Variants in KCNIP1 observed in about 807,000 individuals in gnomAD.
KCNIP1 encodes potassium voltage-gated channel interacting protein 1, also known as A-type potassium channel modulatory protein KCNIP1.
Under a neutral mutation model 33.0 loss-of-function variants are expected in KCNIP1, and 18 were observed. That is an observed-to-expected ratio of 0.55 (90% CI 0.38 to 0.81). The LOEUF (loss-of-function observed/expected upper bound fraction) is 0.81, where lower values mean the gene tolerates loss of function less well. Ranked by LOEUF, KCNIP1 falls within the 30% of genes least tolerant of loss-of-function variation. The pLI, the probability that KCNIP1 is intolerant of heterozygous loss-of-function variation, is 0.00. For synonymous variants in KCNIP1, 93 were observed against 98.3 expected, an observed-to-expected ratio of 0.95 and a Z score of 0.32; for missense variants, 238 against 271.6, an observed-to-expected ratio of 0.88 and a Z score of 0.87.
chr5:170,365,075 G>A (rs1419607692), intron 1 of KCNIP1, among the ~76,000 whole-genome samples: 3 of 152,038 alleles, frequency 2.0e-5, no homozygotes, highest in Admixed American at 6.6e-5. Flanking sequence ...ACTAAGAGTC[G>A]AGCTCTGTGA....
chr5:170,431,153 A>G (rs1272728046), intron 1 of KCNIP1, among the ~76,000 whole-genome samples: 1 of 152,214 alleles, frequency 6.6e-6, no homozygotes. Flanking sequence ...TTTTACAAGC[A>G]ATTGGGTTGT....
chr5:170,356,584 A>G (rs577574685), intron 1 of KCNIP1, among the ~76,000 whole-genome samples: 33 of 152,206 alleles, frequency 2.2e-4, no homozygotes, highest in African/African-American at 7.7e-4. Flanking sequence ...TTTCCTTCCT[A>G]TCCCTGATCA....
intron 1 of KCNIP1, among the ~76,000 whole-genome samples, chr5:170,512,740 T>TG (rs1754982484): frequency 6.6e-6 from 1 of 152,012 alleles, no homozygotes; most frequent in Admixed American, 6.6e-5. Context: ...CAGCATCAGT[T>TG]GGGAGCTTGT....
chr5:170,508,818 C>A (rs777600434), intron 1 of KCNIP1, among the ~76,000 whole-genome samples: 1 of 152,172 alleles, frequency 6.6e-6, no homozygotes, highest in Non-Finnish European at 1.5e-5. Context: ...GAAGTGATTT[C>A]TCCCATCTGA....
chr5:170,481,032 T>G (rs1756966563), intron 1 of KCNIP1, among the ~76,000 whole-genome samples: 1 of 152,360 alleles, frequency 6.6e-6, no homozygotes, highest in Admixed American at 6.5e-5. Flanking sequence ...CTATCGCATT[T>G]GCCATTTACA....
chr5:170,464,195 ATTG>A (rs1240747327), intron 1 of KCNIP1, among the ~76,000 whole-genome samples: 2 of 152,236 alleles, frequency 1.3e-5, no homozygotes, highest in African/African-American at 4.8e-5. Context: ...GAAGACTTAT[ATTG>A]TTAAGATGGC....
chr5:170,392,022 G>A (rs1754608747), intron 1 of KCNIP1, among the ~76,000 whole-genome samples: 1 of 152,162 alleles, frequency 6.6e-6, no homozygotes, highest in Non-Finnish European at 1.5e-5. Flanking sequence ...GTAGAATATG[G>A]TAGAAGGACA....
chr5:170,412,076 T>C (rs1157123532), intron 1 of KCNIP1, among the ~76,000 whole-genome samples: 1 of 152,214 alleles, frequency 6.6e-6, no homozygotes, highest in Admixed American at 6.5e-5. Context: ...GAATAAATGT[T>C]GGACCCAATG....
chr5:170,532,697 G>A (rs921131354), intron 1 of KCNIP1, among the ~76,000 whole-genome samples: 1 of 152,088 alleles, frequency 6.6e-6, no homozygotes, highest in Non-Finnish European at 1.5e-5. Context: ...GGCTGCCTCT[G>A]CTCTTAGACC....
intron 1 of KCNIP1, among the ~76,000 whole-genome samples, chr5:170,659,225 T>C (rs1439593825): frequency 1.3e-5 from 2 of 152,152 alleles, no homozygotes; most frequent in Non-Finnish European, 2.9e-5. Flanking sequence ...TGCCTCTCAC[T>C]AGGACTTCAC....
chr5:170,432,471 C>T (rs373411666), intron 1 of KCNIP1, among the ~76,000 whole-genome samples: 1 of 152,198 alleles, frequency 6.6e-6, no homozygotes, highest in African/African-American at 2.4e-5. Flanking sequence ...AGAATGCTAG[C>T]TCAGAGCTGG....
chr5:170,443,240 C>G (rs929320488), intron 1 of KCNIP1, among the ~76,000 whole-genome samples: 5 of 151,644 alleles, frequency 3.3e-5, no homozygotes, highest in African/African-American at 1.2e-4. Flanking sequence ...ATTCCCCACC[C>G]CCCGGCCCTG....
Position 170,469,695 on chromosome 5 carries a change from C to T in KCNIP1, c.88+115731C>T, listed in dbSNP as rs113814045. 1.4e-3 allele frequency among the ~76,000 whole-genome samples: 218 copies of T among 152,322 alleles called. 5 individuals carry two copies. In the East Asian group the frequency reaches 0.031, roughly 22 times the overall value. On this transcript the variant is annotated intron_variant, in intron 1 of 7. Coordinates refer to the KCNIP1 transcript ENST00000377360. ...ATCTCTTACTCTCCGGCTTTCAACA[C>T]GTGAGCCATCTTTTCCTTGCTGCAT...
chr5:170,437,370 G>C (rs1221936365), intron 1 of KCNIP1, among the ~76,000 whole-genome samples: 1 of 152,228 alleles, frequency 6.6e-6, no homozygotes, highest in African/African-American at 2.4e-5. Flanking sequence ...ATCTGGGACA[G>C]TGTGTCCTGA....
At chr5:170,677,298 A>G (rs578011885) in intron 1 of KCNIP1, among the ~76,000 whole-genome samples, 2 of 152,304 alleles carry the variant, frequency 1.3e-5, no homozygotes, top group African/African-American at 4.8e-5. Context: ...TTAAGAGTCA[A>G]TGTAGGCTTC....
intron 1 of KCNIP1, among the ~76,000 whole-genome samples, chr5:170,559,562 G>A (rs191449765): frequency 6.6e-6 from 1 of 152,314 alleles, no homozygotes; most frequent in African/African-American, 2.4e-5. Context: ...GCTCCAGGCT[G>A]AGTCTTATGT....
At chr5:170,385,190 C>T (rs2071157) in intron 1 of KCNIP1, 206,902 of 1,034,352 alleles carry the variant, frequency 0.2, 21,825 homozygotes, top group South Asian at 0.27. Flanking sequence ...GAATGAGCAT[C>T]GTCTTGACCC....
chr5:170,633,248 C>G (rs968327524), intron 1 of KCNIP1, among the ~76,000 whole-genome samples: 1 of 151,878 alleles, frequency 6.6e-6, no homozygotes, highest in South Asian at 2.1e-4. Context: ...GGGAGGAGGA[C>G]GCTGGTCAGG....
intron 1 of KCNIP1, chr5:170,383,653 G>A (rs780180617): frequency 6.8e-6 from 11 of 1,612,986 alleles, no homozygotes; most frequent in South Asian, 6.6e-5. Flanking sequence ...ATAAAGGGAT[G>A]TGTCCCCATC....
Sources: gnomAD v4.1 joint callset for allele counts (sites outside exome capture counted in the v4.1 genomes callset) on GRCh38, gnomAD v4.1.1 for gene constraint, MANE v1.5 for transcripts, NCBI Gene and HGNC (gene_info 2026-07-23, HGNC 2026-07-21) for gene names.